The following ZNF804B variants were observed in gnomAD, a reference collection of about 807,000 sequenced individuals.
The protein encoded by ZNF804B is zinc finger 804B.
ZNF804B carries 80 observed loss-of-function variants against 101.4 expected under a neutral mutation model. The ratio of observed to expected loss-of-function variants is 0.79; its 90% CI spans 0.66 to 0.95. The LOEUF (loss-of-function observed/expected upper bound fraction) is 0.95. Ranked by LOEUF, ZNF804B falls within the 40% of genes least tolerant of loss-of-function variation. The pLI is 0.00. For synonymous variants in ZNF804B, 622 were observed against 558.8 expected, an observed-to-expected ratio of 1.11 and a Z score of -1.59; for missense variants, 1,673 against 1,561.9, an observed-to-expected ratio of 1.07 and a Z score of -1.20.
intron 1 of ZNF804B, among the ~76,000 whole-genome samples, chr7:89,039,724 C>T (rs115070191): frequency 1.0e-3 from 159 of 151,620 alleles, no homozygotes; most frequent in African/African-American, 3.8e-3. Flanking sequence ...GCATTCTTAT[C>T]CTATGTCCTC....
At chr7:88,970,061 C>T (rs375859274) in intron 1 of ZNF804B, among the ~76,000 whole-genome samples, 3 of 150,158 alleles carry the variant, frequency 2.0e-5, no homozygotes, top group Non-Finnish European at 3.0e-5. Flanking sequence ...TCCCTTTTCT[C>T]CTTCCTTTCC....
At chr7:88,924,701 C>T (rs1200832379) in intron 1 of ZNF804B, among the ~76,000 whole-genome samples, 1 of 152,070 alleles carries the variant, frequency 6.6e-6, no homozygotes, top group African/African-American at 2.4e-5. Flanking sequence ...TGTTGTAACT[C>T]TCTCTCCTCA....
chr7:88,899,287 G>A (rs927754021), intron 1 of ZNF804B, among the ~76,000 whole-genome samples: 1 of 151,946 alleles, frequency 6.6e-6, no homozygotes, highest in Non-Finnish European at 1.5e-5. Flanking sequence ...CCAAATAAAT[G>A]ATCCTATCAA....
At chr7:89,327,100 C>T (rs1790907677) in intron 2 of ZNF804B, among the ~76,000 whole-genome samples, 2 of 145,698 alleles carry the variant, frequency 1.4e-5, no homozygotes, top group Admixed American at 1.3e-4. Context: ...GTGATACCAG[C>T]GAGGCCTGGG....
At chr7:88,896,705 A>G (rs1792290225) in intron 1 of ZNF804B, among the ~76,000 whole-genome samples, 1 of 152,202 alleles carries the variant, frequency 6.6e-6, no homozygotes. Context: ...TCATTTGGCC[A>G]AATAAATAAT....
intron 1 of ZNF804B, among the ~76,000 whole-genome samples, chr7:89,075,732 A>G (rs1225561656): frequency 3.3e-5 from 5 of 152,178 alleles, no homozygotes; most frequent in African/African-American, 7.2e-5. Context: ...TAACACTGAC[A>G]GTTTGTACCA....
At chr7:89,277,333 T>A (rs1296076337) in intron 2 of ZNF804B, among the ~76,000 whole-genome samples, 3 of 150,120 alleles carry the variant, frequency 2.0e-5, no homozygotes, top group African/African-American at 7.4e-5. Flanking sequence ...TTTTTTCTTT[T>A]TTTTATTATT....
At chr7:89,203,335 A>G (rs556999746) in intron 1 of ZNF804B, among the ~76,000 whole-genome samples, 11 of 152,314 alleles carry the variant, frequency 7.2e-5, no homozygotes, top group African/African-American at 2.2e-4. Flanking sequence ...TGATGTACAG[A>G]ACTTCTTTTT....
chr7:88,935,732 A>G (rs1237284588), intron 1 of ZNF804B, among the ~76,000 whole-genome samples: 1 of 151,914 alleles, frequency 6.6e-6, no homozygotes. Context: ...TATTTATTCT[A>G]ATTCCTCATT....
At chr7:88,988,850 G>A (rs930351032) in intron 1 of ZNF804B, among the ~76,000 whole-genome samples, 8 of 152,094 alleles carry the variant, frequency 5.3e-5, no homozygotes, top group African/African-American at 1.9e-4. Context: ...ATGCAAGAAG[G>A]ATTTATATAA....
intron 2 of ZNF804B, among the ~76,000 whole-genome samples, chr7:89,221,751 A>G (rs1313022907): frequency 7.2e-6 from 1 of 137,942 alleles, no homozygotes; most frequent in East Asian, 2.0e-4. Context: ...ATTCTATTCT[A>G]TCTATATGCA....
chr7:89,300,545 A>T (rs1188865606), intron 2 of ZNF804B, among the ~76,000 whole-genome samples: 1 of 151,898 alleles, frequency 6.6e-6, no homozygotes, highest in Non-Finnish European at 1.5e-5. Context: ...TTCTAAGGAG[A>T]AATATGAGTG....
At chr7:89,140,408 C>G in intron 1 of ZNF804B, among the ~76,000 whole-genome samples, 1 of 152,170 alleles carries the variant, frequency 6.6e-6, no homozygotes, top group Middle Eastern at 3.4e-3. Context: ...CTTTTACTCT[C>G]TAACTATGAA....
chr7:88,869,899 G>GT (rs1791788775), intron 1 of ZNF804B, among the ~76,000 whole-genome samples: 1 of 152,208 alleles, frequency 6.6e-6, no homozygotes, highest in Non-Finnish European at 1.5e-5. Flanking sequence ...TTTGGAAGAT[G>GT]TATCAGCCAG....
intron 1 of ZNF804B, among the ~76,000 whole-genome samples, chr7:88,936,067 C>A (rs1044606325): frequency 1.3e-5 from 2 of 148,806 alleles, no homozygotes; most frequent in Non-Finnish European, 3.0e-5. Flanking sequence ...CTTTCCTTTC[C>A]CCTTCTCTCT....
rs188661520 is a variant in ZNF804B, at chr7:89,219,534, T to G, written c.249+1239T>G. Among the ~76,000 whole-genome samples, 5 of 151,700 alleles carry G rather than the reference T, an allele frequency of 3.3e-5. No homozygotes were observed. In the East Asian group the frequency reaches 9.7e-4, roughly 29 times the overall value. On this transcript the variant is annotated intron_variant, in intron 2 of 3. Transcript: ENST00000333190. ...ACATATGGCTGCCTAAATTACCTAC[T>G]CTCCAAATGTGAAGGAAGAGGCTAT...
chr7:88,996,907 T>A (rs947622777), intron 1 of ZNF804B, among the ~76,000 whole-genome samples: 1 of 152,010 alleles, frequency 6.6e-6, no homozygotes, highest in Non-Finnish European at 1.5e-5. Flanking sequence ...GATGTCCATA[T>A]CTGGAGTTTC....
chr7:88,855,609 T>C (rs1277315034), intron 1 of ZNF804B, among the ~76,000 whole-genome samples: 2 of 152,226 alleles, frequency 1.3e-5, no homozygotes, highest in Non-Finnish European at 2.9e-5. Flanking sequence ...TTTAGTTTAA[T>C]TAGATCGCAT....
intron 1 of ZNF804B, among the ~76,000 whole-genome samples, chr7:89,089,142 C>T (rs1789847898): frequency 6.8e-6 from 1 of 147,908 alleles, no homozygotes; most frequent in Non-Finnish European, 1.5e-5. Context: ...ATGAAGATTA[C>T]ATGCAGTTCC....
Sources: allele counts gnomAD v4.1 joint callset (sites outside exome capture counted in the v4.1 genomes callset), GRCh38; gene constraint gnomAD v4.1.1; transcripts MANE v1.5; gene names NCBI Gene and HGNC (gene_info 2026-07-23, HGNC 2026-07-21).